The following KPNA3 variants were observed in gnomAD, a reference collection of about 807,000 sequenced individuals.
KPNA3 encodes importin subunit alpha-4.
Under a neutral mutation model 73.8 loss-of-function variants are expected in KPNA3, and 13 were observed. The ratio of observed to expected loss-of-function variants is 0.18; its 90% CI spans 0.11 to 0.28. The LOEUF is 0.28. Among genes scored for constraint, KPNA3 ranks in the 10% least tolerant of loss-of-function variants. The pLI is 1.00. For synonymous variants in KPNA3, 186 were observed against 206.9 expected (o/e 0.90, Z 0.87); for missense variants, 360 against 618.1 (o/e 0.58, Z 4.43).
At chr13:49,769,896 T>C (rs2137592441) in intron 1 of KPNA3, among the ~76,000 whole-genome samples, 1 of 152,308 alleles carries the variant, frequency 6.6e-6, no homozygotes, top group South Asian at 2.1e-4. Context: ...TACTTATCCT[T>C]CCCAATGCTA....
chr13:49,711,046 C>A (rs369419458), intron 10 of KPNA3, 24 bp from the exon 11 acceptor site: 124 of 1,589,904 alleles, frequency 7.8e-5, no homozygotes, highest in Non-Finnish European at 1.0e-4. Context: ...AAAAGAAAAA[C>A]CATTTTACAT....
chr13:49,702,743 A>T (rs1196137187), intron 15 of KPNA3, among the ~76,000 whole-genome samples: 1 of 152,190 alleles, frequency 6.6e-6, no homozygotes, highest in East Asian at 1.9e-4. Context: ...ACACCCAAAC[A>T]ATCCATTTGA....
At chr13:49,776,074 ATTTT>A (rs1046501457) in intron 1 of KPNA3, among the ~76,000 whole-genome samples, 2 of 152,070 alleles carry the variant, frequency 1.3e-5, no homozygotes, top group African/African-American at 4.8e-5. Flanking sequence ...GAACTTTTTT[ATTTT>A]TTATTTTTGT....
chr13:49,732,311 A>C (rs1954477496), intron 6 of KPNA3, 60 bp downstream of exon 6: 3 of 776,906 alleles, frequency 3.9e-6, no homozygotes, highest in Non-Finnish European at 6.4e-6. Context: ...TGGTTAAGTA[A>C]TAATCCAAAC....
chr13:49,772,149 C>A (rs1004883106), intron 1 of KPNA3, among the ~76,000 whole-genome samples: 1 of 152,068 alleles, frequency 6.6e-6, no homozygotes, highest in Admixed American at 6.6e-5. Context: ...ATTTTCCAAC[C>A]TGGTTATCTT....
rs188308605 is a variant in KPNA3 at position 49,779,893 on chromosome 13, T to C, written c.69+12545A>G. 1.4e-3 allele frequency among the ~76,000 whole-genome samples: 211 copies of C among 152,200 alleles called. 3 individuals carry two copies. The highest frequency in any genetic ancestry group is 0.012 in the Admixed American group (179 of 15,274). On this transcript the variant is annotated intron_variant, in intron 1 of 16. Transcript: ENST00000261667. ...TTGTAAGGTCTCATCATGCCTCTCC[T>C]CTCTGTAGCATTTGATACTGCAATT...
At chr13:49,701,963 T>C (rs1327611890) in intron 16 of KPNA3, 65 bp from the exon 17 acceptor site, 3 of 1,083,274 alleles carry the variant, frequency 2.8e-6, no homozygotes, top group African/African-American at 1.6e-5. Context: ...GTAAGTGGAA[T>C]TGACTTTTTA....
At chr13:49,771,216 T>C (rs1036150455) in intron 1 of KPNA3, among the ~76,000 whole-genome samples, 1 of 151,834 alleles carries the variant, frequency 6.6e-6, no homozygotes, top group Non-Finnish European at 1.5e-5. Context: ...TTATGGGAAA[T>C]TGCATTGAAT....
intron 2 of KPNA3, among the ~76,000 whole-genome samples, chr13:49,735,423 A>G (rs562013723): frequency 6.6e-6 from 1 of 152,246 alleles, no homozygotes; most frequent in African/African-American, 2.4e-5. Flanking sequence ...CGCCCGCCCC[A>G]TACTTTACTC....
At chr13:49,781,715 A>C (rs1161241898) in intron 1 of KPNA3, among the ~76,000 whole-genome samples, 3 of 152,196 alleles carry the variant, frequency 2.0e-5, no homozygotes, top group Non-Finnish European at 2.9e-5. Context: ...TAGAGCAATC[A>C]ACTTGTTAAG....
intron 1 of KPNA3, among the ~76,000 whole-genome samples, chr13:49,770,379 C>T (rs1382894058): frequency 6.6e-6 from 1 of 151,846 alleles, no homozygotes; most frequent in Non-Finnish European, 1.5e-5. Flanking sequence ...TCTCACTACA[C>T]TGTTTAGGCT....
At chr13:49,732,279 T>C (rs1359222541) in intron 6 of KPNA3, 92 bp downstream of exon 6, 4 of 567,186 alleles carry the variant, frequency 7.1e-6, no homozygotes, top group Non-Finnish European at 1.3e-5. Flanking sequence ...ACATCATAAG[T>C]ACAAAACCAA....
intron 6 of KPNA3, among the ~76,000 whole-genome samples, chr13:49,725,862 G>A (rs1156951001): frequency 1.3e-5 from 2 of 152,042 alleles, no homozygotes; most frequent in Non-Finnish European, 2.9e-5. Context: ...GGCTGGTCCT[G>A]AACCCCTGAC....
chr13:49,707,998 CTTT>C (rs67141719), intron 12 of KPNA3, among the ~76,000 whole-genome samples: 24 of 121,706 alleles, frequency 2.0e-4, no homozygotes, highest in Middle Eastern at 3.9e-3. Flanking sequence ...TTCTTTTTTC[CTTT>C]TTTTTTTTTT....
intron 6 of KPNA3, among the ~76,000 whole-genome samples, chr13:49,730,610 AT>A (rs1054873563): frequency 7.6e-5 from 11 of 144,170 alleles, no homozygotes; most frequent in Admixed American, 2.1e-4. Flanking sequence ...TTATTTATTT[AT>A]TTTATTTTAT....
At chr13:49,730,375 A>G (rs1016461973) in intron 6 of KPNA3, among the ~76,000 whole-genome samples, 2 of 151,758 alleles carry the variant, frequency 1.3e-5, no homozygotes, top group East Asian at 3.9e-4. Context: ...TATACTAAAA[A>G]TACAAAAATT....
At chr13:49,792,065 AG>A (rs1955038147) in intron 1 of KPNA3, among the ~76,000 whole-genome samples, 1 of 152,130 alleles carries the variant, frequency 6.6e-6, no homozygotes, top group Non-Finnish European at 1.5e-5. Context: ...GGGCGCAAGC[AG>A]CGGCCGCCCC....
In KPNA3 at chr13:49,701,313, CT is replaced by C. The variant is rs1180021810; in HGVS notation, c.*486del. Reference sequence around the variant, plus strand: ...AATCATTTGGCTTGTACTTTAAAATCTATTCTTCCACATAAAGAATATGAAA... The same window carrying C: ...AATCATTTGGCTTGTACTTTAAAATCATTCTTCCACATAAAGAATATGAAA... On this transcript the variant is annotated 3_prime_UTR_variant, in exon 17 of 17. Transcript: ENST00000261667. The C allele has an allele frequency of 1.1e-5, 2 of 187,362 alleles. No homozygotes were observed. Among genetic ancestry groups the C allele is most frequent in the South Asian group, 9.0e-5 (1 of 11,062 alleles). 11.6% of individuals were successfully genotyped at this position (187,362 alleles called of 1,614,324 possible).
intron 5 of KPNA3, 65 bp from the exon 6 acceptor site, chr13:49,732,531 T>C: frequency 6.9e-7 from 1 of 1,439,386 alleles, no homozygotes. Flanking sequence ...AATAACAACA[T>C]ATTAACTTCT....
Sources: allele counts gnomAD v4.1 joint callset (sites outside exome capture counted in the v4.1 genomes callset), GRCh38; gene constraint gnomAD v4.1.1; transcripts MANE v1.5; gene names NCBI Gene and HGNC (gene_info 2026-07-23, HGNC 2026-07-21).